The following AACS variants were observed in gnomAD, a reference collection of about 807,000 sequenced individuals.
AACS encodes the protein acetoacetate-CoA ligase.
In AACS, 69 loss-of-function variants were observed where a neutral mutation model predicts 83.1. That is an observed-to-expected ratio of 0.83 (90% CI 0.68 to 1.01). The LOEUF is 1.01. Among genes scored for constraint, AACS ranks in the 50% least tolerant of loss-of-function variants. The pLI, the probability that AACS is intolerant of heterozygous loss-of-function variation, is 0.00. For missense variants in AACS, 866 were observed against 882.2 expected (o/e 0.98, Z 0.23); for synonymous variants, 333 against 343.4 (o/e 0.97, Z 0.33).
chr12:125,139,631 C>T (rs1957451508), intron 17 of AACS: 1 of 152,330 alleles, frequency 6.6e-6, no homozygotes, highest in African/African-American at 2.4e-5. Flanking sequence ...CAAAGCCCTT[C>T]CACACACCTG....
At chr12:125,079,657 G>A (rs1956119247) in intron 3 of AACS, among the ~76,000 whole-genome samples, 1 of 152,084 alleles carries the variant, frequency 6.6e-6, no homozygotes, top group South Asian at 2.1e-4. Flanking sequence ...CCAAAGTGCT[G>A]GGATTATAGG....
chr12:125,125,167 C>A, intron 12 of AACS, 143 bp downstream of exon 12: 1 of 1,291,572 alleles, frequency 7.7e-7, no homozygotes, highest in Non-Finnish European at 1.1e-6. Flanking sequence ...TGATCTGAGG[C>A]AGTGATGTTC....
chr12:125,080,071 G>A (rs1382289928), intron 3 of AACS, among the ~76,000 whole-genome samples: 1 of 152,148 alleles, frequency 6.6e-6, no homozygotes, highest in Non-Finnish European at 1.5e-5. Context: ...CCACAGTACA[G>A]GCAGACCACA....
rs78596436 is a variant in AACS at position 125,096,950 on chromosome 12, C to T, written c.570+5427C>T. Among the ~76,000 whole-genome samples, 309 of 152,016 alleles carry T rather than the reference C, an allele frequency of 2.0e-3. 4 individuals carry two copies. In the East Asian group the frequency reaches 0.048, roughly 23 times the overall value. On this transcript the variant is annotated intron_variant, in intron 5 of 17. Transcript: ENST00000316519. ...TGGATGCTTCTGTCCCAGTCTCCTG[C>T]CCATCAGAAGTGGCTGGGGAGGAGG...
intron 5 of AACS, among the ~76,000 whole-genome samples, chr12:125,095,875 G>A (rs1278844533): frequency 6.6e-6 from 1 of 152,228 alleles, no homozygotes; most frequent in East Asian, 1.9e-4. Flanking sequence ...AAGCCAGGCT[G>A]CAGCCCAGCC....
intron 5 of AACS, among the ~76,000 whole-genome samples, chr12:125,099,034 G>A (rs748194494): frequency 2.0e-5 from 3 of 152,334 alleles, no homozygotes; most frequent in African/African-American, 4.8e-5. Flanking sequence ...TACCAAGTGC[G>A]AAATGTGCCG....
At chr12:125,105,418 A>G (rs1425417777) in intron 7 of AACS, 1 of 152,136 alleles carries the variant, frequency 6.6e-6, no homozygotes, top group Non-Finnish European at 1.5e-5. Flanking sequence ...ACCTTAATAA[A>G]TTATAACCAG....
intron 3 of AACS, among the ~76,000 whole-genome samples, chr12:125,082,920 A>G (rs923306378): frequency 5.9e-5 from 9 of 152,242 alleles, no homozygotes; most frequent in Non-Finnish European, 7.3e-5. Context: ...ATCAAGGGTA[A>G]TGGTCAAAAG....
In AACS at chr12:125,129,719, C is replaced by T. The variant is rs968316562; in HGVS notation, c.1549+259C>T. Among the ~76,000 whole-genome samples, 6 of 152,208 alleles carry T rather than the reference C, an allele frequency of 3.9e-5. No homozygotes were observed. Among genetic ancestry groups the T allele is most frequent in the African/African-American group, 9.6e-5 (4 of 41,452 alleles). On this transcript the variant is annotated intron_variant, in intron 14 of 17. Transcript: ENST00000316519. The surrounding 1 kb of genome is among the most constrained non-coding windows in gnomAD (Gnocchi z 4.3). ...ACCTCTGCCCAGAGCCTCTTGGCCC[C>T]AGCCCCTGCTGCTGGGAGCTGGCAC... is the stretch of plus-strand genomic sequence containing the variant.
intron 1 of AACS, among the ~76,000 whole-genome samples, chr12:125,071,242 G>T (rs1368206887): frequency 6.6e-6 from 1 of 152,198 alleles, no homozygotes; most frequent in Non-Finnish European, 1.5e-5. Flanking sequence ...GAGCCATGTG[G>T]CTGCAGTGAC....
At chr12:125,069,146 C>G (rs1955789600) in intron 1 of AACS, among the ~76,000 whole-genome samples, 1 of 152,186 alleles carries the variant, frequency 6.6e-6, no homozygotes, top group East Asian at 1.9e-4. Context: ...CGGCTGTGAG[C>G]ATTCTTATTG....
chr12:125,120,143 C>T (rs1301813171), intron 10 of AACS: 2 of 149,618 alleles, frequency 1.3e-5, no homozygotes, highest in South Asian at 2.2e-4. Context: ...GGTCCCTGCT[C>T]CCCCCCGACC....
At chr12:125,075,358 C>G (rs1347777388) in intron 2 of AACS, among the ~76,000 whole-genome samples, 4 of 150,264 alleles carry the variant, frequency 2.7e-5, no homozygotes, top group Non-Finnish European at 5.9e-5. Flanking sequence ...TGGAGTGCAT[C>G]TCGGCTCACT....
Position 125,142,090 on chromosome 12 carries a change from A to G in AACS, c.1882-2A>G. 6.2e-7 allele frequency: 1 copy of G among 1,613,922 alleles called. No individual in the cohort carries two copies. The highest frequency in any genetic ancestry group is 1.7e-4 in the Middle Eastern group (1 of 6,040). On this transcript the variant is annotated splice_acceptor_variant, in intron 17 of 17. Transcript: ENST00000316519. LOFTEE classifies it high-confidence loss of function. Reference sequence around the variant, plus strand: ...TCCTGTTTTTCTACCTTTCCCTCGCAGTATACGCTCAACGGCAAGAAAGTG... The same window carrying G: ...TCCTGTTTTTCTACCTTTCCCTCGCGGTATACGCTCAACGGCAAGAAAGTG...
In AACS at chr12:125,142,240, C is replaced by T; in HGVS notation, c.*11C>T. On this transcript the variant is annotated 3_prime_UTR_variant, in exon 18 of 18. Transcript: ENST00000316519. Reference sequence around the variant, plus strand: ...CTGCAGGGCTTCTGAGTCAGACTGGCTGGCGTGTCACTCAGCCGCACCCGT... The same window carrying T: ...CTGCAGGGCTTCTGAGTCAGACTGGTTGGCGTGTCACTCAGCCGCACCCGT... 1.9e-6 allele frequency: 3 copies of T among 1,613,142 alleles called. No homozygotes were observed. Among genetic ancestry groups the T allele is most frequent in the Non-Finnish European group, 2.5e-6 (3 of 1,179,336 alleles).
chr12:125,142,256 C>G lies in AACS; in HGVS notation c.*27C>G. 1.2e-6 allele frequency: 2 copies of G among 1,612,052 alleles called. No homozygotes were observed. The highest frequency in any genetic ancestry group is 1.7e-6 in the Non-Finnish European group (2 of 1,178,562). On this transcript the variant is annotated 3_prime_UTR_variant, in exon 18 of 18. Transcript: ENST00000316519. ...TCAGACTGGCTGGCGTGTCACTCAG[C>G]CGCACCCGTGTGCACTGTAACTTTT...
chr12:125,116,268 C>T (rs925309762), intron 9 of AACS, among the ~76,000 whole-genome samples: 1 of 152,132 alleles, frequency 6.6e-6, no homozygotes, highest in East Asian at 1.9e-4. Context: ...CGGCTGCCTC[C>T]CTGGGACACG....
chr12:125,082,845 A>G (rs1433560333), intron 3 of AACS, among the ~76,000 whole-genome samples: 3 of 152,158 alleles, frequency 2.0e-5, no homozygotes, highest in Non-Finnish European at 2.9e-5. Flanking sequence ...ACACACACAC[A>G]CACAAAGAGG....
intron 7 of AACS, among the ~76,000 whole-genome samples, chr12:125,104,539 G>A (rs1377889971): frequency 6.6e-6 from 1 of 152,200 alleles, no homozygotes; most frequent in Non-Finnish European, 1.5e-5. Context: ...TGACAGCAGG[G>A]CCTGGGTGCT....
Sources: allele counts gnomAD v4.1 joint callset (sites outside exome capture counted in the v4.1 genomes callset), GRCh38; gene constraint gnomAD v4.1.1; non-coding constraint Gnocchi (gnomAD v3.1); transcripts MANE v1.5; gene names NCBI Gene and HGNC (gene_info 2026-07-23, HGNC 2026-07-21).